Variants in TPTE observed in about 807,000 individuals in gnomAD.
TPTE encodes transmembrane phosphatase with tensin homology, also known as putative tyrosine-protein phosphatase TPTE.
In TPTE, 59 loss-of-function variants were observed where a neutral mutation model predicts 84.1. The ratio of observed to expected loss-of-function variants is 0.70; its 90% CI spans 0.57 to 0.87. The LOEUF is 0.87. Among genes scored for constraint, TPTE ranks in the 40% least tolerant of loss-of-function variants. TPTE has a pLI of 0.00. For missense variants in TPTE, 382 were observed against 659.6 expected, an observed-to-expected ratio of 0.58 and a Z score of 4.61; for synonymous variants, 130 against 223.5, an observed-to-expected ratio of 0.58 and a Z score of 3.73.
chr21:10,564,817 C>A (rs1177235787), intron 10 of TPTE, among the ~76,000 whole-genome samples: 1 of 152,302 alleles, frequency 6.6e-6, no homozygotes, highest in Non-Finnish European at 1.5e-5. Context: ...ATGGTAAACA[C>A]CCTAAAAAAA....
intron 17 of TPTE, among the ~76,000 whole-genome samples, chr21:10,587,851 AT>A (rs1192576824): frequency 6.6e-6 from 1 of 152,260 alleles, no homozygotes; most frequent in Non-Finnish European, 1.5e-5. Flanking sequence ...CGCCCAGCCT[AT>A]TTTTTGTTTG....
At chr21:10,531,420 C>T (rs1287299740) in intron 3 of TPTE, among the ~76,000 whole-genome samples, 2 of 152,310 alleles carry the variant, frequency 1.3e-5, no homozygotes, top group African/African-American at 4.8e-5. Context: ...CTTCATCTTC[C>T]ACCATAAATG....
intron 3 of TPTE, among the ~76,000 whole-genome samples, chr21:10,531,600 T>TC (rs1481822325): frequency 6.6e-6 from 1 of 152,310 alleles, no homozygotes; most frequent in Non-Finnish European, 1.5e-5. Context: ...ACTATCGCTT[T>TC]ATGTATTCAA....
intron 3 of TPTE, among the ~76,000 whole-genome samples, chr21:10,537,382 C>T (rs1320855978): frequency 6.6e-6 from 1 of 152,306 alleles, no homozygotes; most frequent in African/African-American, 2.4e-5. Context: ...AACTGTGAGA[C>T]AGAAATAATA....
At position 10,570,527 on chromosome 21, in the gene TPTE, CT is replaced by C. The variant is rs1271765253; in HGVS notation, c.776del (p.Phe259SerfsTer13). The C allele has an allele frequency of 6.2e-7, 1 of 1,614,004 alleles. No homozygotes were observed. The highest frequency in any genetic ancestry group is 2.2e-5 in the East Asian group (1 of 44,872). ...TCATTTCCATCTTCTGGAAGGCAGT[CT>C]TTCTATAGAAATCCAATCAAGGTAA... ...AMSFPSSGRQ[S>X]FYRNPIKEVV... On this transcript the variant is annotated frameshift_variant, in exon 14 of 24. Coordinates refer to ENST00000618007, the MANE Select transcript of TPTE (RefSeq NM_199261.4). LOFTEE classifies it high-confidence loss of function.
chr21:10,562,012 C>T (rs534705657), intron 10 of TPTE, among the ~76,000 whole-genome samples: 3 of 152,422 alleles, frequency 2.0e-5, no homozygotes, highest in Admixed American at 6.5e-5. Flanking sequence ...GTCACTCAAC[C>T]CCAAGCTTTA....
intron 1 of TPTE, among the ~76,000 whole-genome samples, chr21:10,522,013 G>T (rs867730591): frequency 3.3e-5 from 5 of 152,022 alleles, no homozygotes; most frequent in Admixed American, 2.6e-4. Context: ...CCGCCGCCGC[G>T]TGAGGAAATG....
At chr21:10,585,352 T>A (rs1451046741) in intron 17 of TPTE, among the ~76,000 whole-genome samples, 1 of 152,426 alleles carries the variant, frequency 6.6e-6, no homozygotes, top group East Asian at 1.9e-4. Context: ...TCTGAATCTT[T>A]GAGATGATAA....
chr21:10,586,138 C>T (rs528797908), intron 17 of TPTE, among the ~76,000 whole-genome samples: 284 of 151,804 alleles, frequency 1.9e-3, no homozygotes, highest in African/African-American at 6.5e-3. Context: ...CTTTTCCTGA[C>T]TTCTTGACAT....
chr21:10,571,401 A>C (rs538394456), intron 14 of TPTE, among the ~76,000 whole-genome samples: 1 of 152,308 alleles, frequency 6.6e-6, no homozygotes, highest in Non-Finnish European at 1.5e-5. Flanking sequence ...GGAAGAGGCA[A>C]CTGTTCTCCC....
chr21:10,532,482 C>T (rs1386528556), intron 3 of TPTE, among the ~76,000 whole-genome samples: 3 of 152,296 alleles, frequency 2.0e-5, no homozygotes, highest in Non-Finnish European at 4.4e-5. Flanking sequence ...ACGGTTTTTT[C>T]TTCTCCAGTT....
Position 10,527,399 on chromosome 21 carries a change from T to A in TPTE, c.-57T>A, listed in dbSNP as rs1210590695. ...GATTCTACTGTATGCTCTTGACAAC[T>A]ATGACCACAATGGGTGAGTTGACTG... is the stretch of plus-strand genomic sequence containing the variant. On this transcript the variant is annotated 5_prime_UTR_variant, in exon 3 of 24. Coordinates refer to ENST00000618007, the MANE Select transcript of TPTE (RefSeq NM_199261.4). 1.3e-5 allele frequency: 2 copies of A among 152,772 alleles called. No homozygotes were observed. The highest frequency in any genetic ancestry group is 2.9e-5 in the Non-Finnish European group (2 of 68,086). The allele number at this position is 152,772 out of a possible 1,614,324, so 9.5% of individuals were successfully genotyped here. A position where few individuals can be genotyped will look rare whatever the true frequency, so the allele number is the denominator to read the frequency against.
chr21:10,548,118 G>A (rs370902769), intron 7 of TPTE, among the ~76,000 whole-genome samples: 2 of 152,416 alleles, frequency 1.3e-5, no homozygotes, highest in Admixed American at 6.5e-5. Context: ...GCACACCACC[G>A]AGTGGGCCTT....
chr21:10,521,991 G>C (rs1373224788), intron 1 of TPTE, among the ~76,000 whole-genome samples: 1 of 152,002 alleles, frequency 6.6e-6, no homozygotes, highest in Non-Finnish European at 1.5e-5. Flanking sequence ...AGTGGTGTTA[G>C]CTCAGTCCCG....
intron 5 of TPTE, among the ~76,000 whole-genome samples, chr21:10,541,641 T>C (rs576237231): frequency 3.1e-4 from 47 of 152,398 alleles, no homozygotes; most frequent in African/African-American, 1.1e-3. Context: ...TCCACATTTT[T>C]ACATTGTTTA....
intron 22 of TPTE, chr21:10,602,839 G>C (rs1978735194): frequency 1.9e-6 from 1 of 517,974 alleles, no homozygotes; most frequent in African/African-American, 1.9e-5. Flanking sequence ...GAGAGAGAGG[G>C]AGGGACCTGA....
At chr21:10,546,888 T>C (rs1033706335) in intron 7 of TPTE, among the ~76,000 whole-genome samples, 1 of 152,310 alleles carries the variant, frequency 6.6e-6, no homozygotes, top group African/African-American at 2.4e-5. Context: ...AAACAGCCAG[T>C]GCCGATGCAG....
At chr21:10,533,360 A>G (rs1389168411) in intron 3 of TPTE, among the ~76,000 whole-genome samples, 2 of 152,306 alleles carry the variant, frequency 1.3e-5, no homozygotes, top group Non-Finnish European at 2.9e-5. Context: ...TCTTATCCTT[A>G]AGAATATTTG....
chr21:10,561,558 G>A (rs914873213), intron 10 of TPTE, among the ~76,000 whole-genome samples: 2 of 152,270 alleles, frequency 1.3e-5, no homozygotes, highest in African/African-American at 2.4e-5. Flanking sequence ...TGACTTAAGA[G>A]CCTTTGGGCC....
Sources: gnomAD v4.1 joint callset for allele counts (sites outside exome capture counted in the v4.1 genomes callset) on GRCh38, gnomAD v4.1.1 for gene constraint, MANE v1.5 for transcripts, NCBI Gene and HGNC (gene_info 2026-07-23, HGNC 2026-07-21) for gene names.